SLC1A1: variants seen among roughly 807,000 people sequenced by gnomAD.
The protein encoded by SLC1A1 is excitatory amino acid transporter 3.
SLC1A1 carries 43 observed loss-of-function variants against 53.3 expected under a neutral mutation model. The ratio of observed to expected loss-of-function variants is 0.81; its 90% CI spans 0.63 to 1.04. The LOEUF (loss-of-function observed/expected upper bound fraction) is 1.04, where lower values mean the gene tolerates loss of function less well. Among genes scored for constraint, SLC1A1 ranks in the 50% least tolerant of loss-of-function variants. The pLI is 0.00. For missense variants in SLC1A1, 748 were observed against 664.9 expected (o/e 1.12, Z -1.37); for synonymous variants, 307 against 243.2 (o/e 1.26, Z -2.44).
chr9:4,583,162 G>C lies in SLC1A1; in HGVS notation c.1318G>C (p.Asp440His), dbSNP rs759707801. 1 of 1,614,194 alleles carries C rather than the reference G, an allele frequency of 6.2e-7. No homozygotes were observed. The highest frequency in any genetic ancestry group is 8.5e-7 in the Non-Finnish European group (1 of 1,180,050). The change falls in exon 11 of 12, where the codon GAC becomes CAC. Residue 440 changes from aspartate (D) to histidine (H), a missense_variant. Transcript: ENST00000262352. This position sits in a 1 kb window ranked among gnomAD's most constrained non-coding sequence, Gnocchi z 4.6. Reference sequence around the variant, plus strand: ...GGATGTCACCCTGATCATTGCTGTCGACTGGCTCCTGTGAGTTGGAATAAA... The same window carrying C: ...GGATGTCACCCTGATCATTGCTGTCCACTGGCTCCTGTGAGTTGGAATAAA... ...AEDVTLIIAVDWLLDRFRTMV... is the reference protein window; with the variant it reads ...AEDVTLIIAVHWLLDRFRTMV...
At chr9:4,517,922 C>G (rs992349722) in intron 1 of SLC1A1, among the ~76,000 whole-genome samples, 2 of 152,000 alleles carry the variant, frequency 1.3e-5, no homozygotes, top group Non-Finnish European at 2.9e-5. Context: ...TGTATTTCAA[C>G]CCTATCTTTA....
intron 1 of SLC1A1, among the ~76,000 whole-genome samples, chr9:4,513,862 G>T (rs1366821830): frequency 1.3e-5 from 2 of 152,164 alleles, no homozygotes; most frequent in East Asian, 1.9e-4. Flanking sequence ...TTCAGCAAGA[G>T]AAAGGAACAT....
intron 2 of SLC1A1, among the ~76,000 whole-genome samples, chr9:4,546,952 CAT>C (rs1817545113): frequency 6.6e-6 from 1 of 152,204 alleles, no homozygotes; most frequent in Non-Finnish European, 1.5e-5. Context: ...CTATTGAACT[CAT>C]GTGTCTATGA....
intron 1 of SLC1A1, among the ~76,000 whole-genome samples, chr9:4,537,129 C>T (rs1816704069): frequency 6.6e-6 from 1 of 151,696 alleles, no homozygotes; most frequent in African/African-American, 2.4e-5. Flanking sequence ...ACAAACATGG[C>T]ACATGTATAC....
At chr9:4,500,849 TA>T (rs1203880786) in intron 1 of SLC1A1, among the ~76,000 whole-genome samples, 1 of 152,214 alleles carries the variant, frequency 6.6e-6, no homozygotes, top group Non-Finnish European at 1.5e-5. Flanking sequence ...TAAATAGTCC[TA>T]TACTTTCTGG....
At chr9:4,543,518 G>A (rs1483467577) in intron 1 of SLC1A1, among the ~76,000 whole-genome samples, 1 of 152,196 alleles carries the variant, frequency 6.6e-6, no homozygotes, top group Non-Finnish European at 1.5e-5. Flanking sequence ...CCATACAACT[G>A]AAGGATTTCA....
intron 2 of SLC1A1, among the ~76,000 whole-genome samples, chr9:4,553,129 G>C (rs1035486766): frequency 3.3e-5 from 5 of 152,078 alleles, no homozygotes; most frequent in African/African-American, 1.2e-4. Context: ...TGAGCCATTA[G>C]CTAGCTGCTG....
chr9:4,540,595 C>T (rs1028176401), intron 1 of SLC1A1, among the ~76,000 whole-genome samples: 1 of 152,214 alleles, frequency 6.6e-6, no homozygotes, highest in African/African-American at 2.4e-5. Context: ...TTCACTCCAG[C>T]TGATGCCCAG....
intron 2 of SLC1A1, among the ~76,000 whole-genome samples, chr9:4,557,118 C>A (rs1818470365): frequency 6.6e-6 from 1 of 152,168 alleles, no homozygotes; most frequent in East Asian, 1.9e-4. Flanking sequence ...GAAATGGGGT[C>A]ATTTGTAAGC....
chr9:4,557,938 T>C (rs963348576), intron 2 of SLC1A1, among the ~76,000 whole-genome samples: 1 of 152,196 alleles, frequency 6.6e-6, no homozygotes, highest in East Asian at 1.9e-4. Context: ...TTCTGAGCTA[T>C]AGTTTTGTCC....
intron 2 of SLC1A1, among the ~76,000 whole-genome samples, chr9:4,551,867 G>C (rs1428011627): frequency 6.6e-6 from 1 of 152,108 alleles, no homozygotes; most frequent in South Asian, 2.1e-4. Flanking sequence ...AGGACTTATT[G>C]TATCAATTTG....
intron 3 of SLC1A1, among the ~76,000 whole-genome samples, chr9:4,562,164 T>C (rs1404248110): frequency 6.7e-6 from 1 of 149,708 alleles, no homozygotes; most frequent in Non-Finnish European, 1.5e-5. Context: ...CTCTGCCTCC[T>C]GGGTTCAAAT....
At chr9:4,536,567 A>C (rs1393085457) in intron 1 of SLC1A1, among the ~76,000 whole-genome samples, 2 of 152,204 alleles carry the variant, frequency 1.3e-5, no homozygotes, top group Non-Finnish European at 2.9e-5. Context: ...GGATGTGGAG[A>C]AACAGGAACA....
intron 2 of SLC1A1, among the ~76,000 whole-genome samples, chr9:4,555,628 A>AT (rs1818302954): frequency 1.3e-5 from 2 of 152,142 alleles, no homozygotes; most frequent in Admixed American, 1.3e-4. Context: ...ACAACCGGGG[A>AT]TTTTATCCCT....
intron 1 of SLC1A1, among the ~76,000 whole-genome samples, chr9:4,492,911 C>T (rs1353890218): frequency 6.6e-6 from 1 of 152,152 alleles, no homozygotes; most frequent in Non-Finnish European, 1.5e-5. Flanking sequence ...CAGAGATACT[C>T]ACTTGCTACC....
chr9:4,527,061 T>C (rs2130843255), intron 1 of SLC1A1, among the ~76,000 whole-genome samples: 1 of 152,278 alleles, frequency 6.6e-6, no homozygotes, highest in East Asian at 1.9e-4. Context: ...CCCATCCTGC[T>C]GACTCTGAAG....
chr9:4,577,520 G>A (rs1166284540), intron 10 of SLC1A1, among the ~76,000 whole-genome samples: 1 of 152,172 alleles, frequency 6.6e-6, no homozygotes, highest in Non-Finnish European at 1.5e-5. Flanking sequence ...CTGTCGCCCA[G>A]GCTGGAGTGC....
chr9:4,584,505 C>A (rs983694596), intron 11 of SLC1A1, among the ~76,000 whole-genome samples: 19 of 152,316 alleles, frequency 1.2e-4, no homozygotes, highest in African/African-American at 4.3e-4. Context: ...AATCCCTGGA[C>A]TTGTTCTAAA....
At chr9:4,548,471 C>T (rs1178257929) in intron 2 of SLC1A1, among the ~76,000 whole-genome samples, 1 of 152,036 alleles carries the variant, frequency 6.6e-6, no homozygotes, top group Non-Finnish European at 1.5e-5. Flanking sequence ...ATAATCTGTG[C>T]TCCTGCATAA....
Sources: gnomAD v4.1 joint callset for allele counts (sites outside exome capture counted in the v4.1 genomes callset) on GRCh38, gnomAD v4.1.1 for gene constraint, Gnocchi (gnomAD v3.1) non-coding constraint, MANE v1.5 for transcripts, NCBI Gene and HGNC (gene_info 2026-07-23, HGNC 2026-07-21) for gene names.